Variants in NRXN1 observed in about 807,000 individuals in gnomAD.
The protein encoded by NRXN1 is neurexin 1.
NRXN1 carries 39 observed loss-of-function variants against 150.9 expected under a neutral mutation model. The observed-to-expected ratio is 0.26, with a 90% CI of 0.20 to 0.34. NRXN1 has a LOEUF of 0.34. NRXN1 is among the 10% of genes least tolerant of loss of function. The pLI, the probability that NRXN1 is intolerant of heterozygous loss-of-function variation, is 1.00. For missense variants in NRXN1, 1,815 were observed against 1,949.9 expected (o/e 0.93, Z 1.30); for synonymous variants, 924 against 757.0 (o/e 1.22, Z -3.62).
intron 5 of NRXN1, among the ~76,000 whole-genome samples, chr2:50,890,300 ACT>A (rs1291694200): frequency 6.6e-6 from 1 of 151,794 alleles, no homozygotes; most frequent in East Asian, 1.9e-4. Context: ...ATTTTGGATC[ACT>A]CTGCTTCACA....
At chr2:50,977,395 C>G (rs1354371239) in intron 2 of NRXN1, among the ~76,000 whole-genome samples, 1 of 151,614 alleles carries the variant, frequency 6.6e-6, no homozygotes, top group Non-Finnish European at 1.5e-5. Flanking sequence ...TTACATATGA[C>G]TGGCAGAATT....
At chr2:50,660,158 C>A (rs1449641400) in intron 5 of NRXN1, among the ~76,000 whole-genome samples, 1 of 152,026 alleles carries the variant, frequency 6.6e-6, no homozygotes, top group Non-Finnish European at 1.5e-5. Context: ...TAAGCAATGT[C>A]ACATAATCTC....
At chr2:50,290,330 T>G (rs556821051) in intron 17 of NRXN1, among the ~76,000 whole-genome samples, 44 of 152,174 alleles carry the variant, frequency 2.9e-4, no homozygotes, top group Non-Finnish European at 5.9e-4. Context: ...AGCAATTTAT[T>G]CAATTGGGTT....
In NRXN1 at chr2:51,028,172, C is replaced by T. The variant is rs1381510304; in HGVS notation, c.102G>A (p.Pro34=). The T allele has an allele frequency of 1.3e-6, 2 of 1,515,822 alleles. No individual in the cohort carries two copies. Among genetic ancestry groups the T allele is most frequent in the Middle Eastern group, 1.7e-4 (1 of 5,758 alleles). 93.9% of individuals were successfully genotyped at this position (1,515,822 alleles called of 1,614,324 possible). The change falls in exon 2 of 23, where the codon CCG becomes CCA. Residue 34 remains proline (P), a synonymous_variant. Transcript: ENST00000401669. The stretch of plus-strand genomic sequence containing the variant: ...AGCGCGTCCATTGGCCCTCGGCGCC[C>T]GGAAACTCCAGCCCGCTGCCCAGCT... ...WAELGSGLEF[P]GAEGQWTRFP...
intron 5 of NRXN1, among the ~76,000 whole-genome samples, chr2:50,899,581 A>C (rs778466748): frequency 6.6e-6 from 1 of 152,152 alleles, no homozygotes; most frequent in African/African-American, 2.4e-5. Context: ...TTTTTAAAAA[A>C]TTTAAAAAAG....
At chr2:50,252,338 A>T (rs1255430204) in intron 17 of NRXN1, among the ~76,000 whole-genome samples, 1 of 137,892 alleles carries the variant, frequency 7.3e-6, no homozygotes, top group African/African-American at 2.8e-5. Flanking sequence ...GGCTCACTGC[A>T]ACCTCTGTCT....
At chr2:50,976,490 CT>C (rs1186553991) in intron 2 of NRXN1, among the ~76,000 whole-genome samples, 2 of 151,836 alleles carry the variant, frequency 1.3e-5, no homozygotes, top group Non-Finnish European at 2.9e-5. Context: ...AATGTTATCC[CT>C]TTTTGATTTG....
intron 8 of NRXN1, among the ~76,000 whole-genome samples, chr2:50,598,736 G>GTA (rs772401214): frequency 3.9e-4 from 56 of 142,436 alleles, no homozygotes; most frequent in East Asian, 6.8e-4. Flanking sequence ...ACATATATAT[G>GTA]TATATATATA....
intron 15 of NRXN1, among the ~76,000 whole-genome samples, chr2:50,480,880 G>A (rs943271358): frequency 2.0e-5 from 3 of 151,752 alleles, no homozygotes; most frequent in African/African-American, 7.3e-5. Flanking sequence ...TTGAATCTTT[G>A]GTAATCAGTG....
chr2:50,871,281 T>C (rs1209572233), intron 5 of NRXN1, among the ~76,000 whole-genome samples: 1 of 151,918 alleles, frequency 6.6e-6, no homozygotes, highest in East Asian at 1.9e-4. Context: ...ATTTAAAATG[T>C]CCTATTCCTG....
Position 50,947,888 on chromosome 2 carries a change from A to G in NRXN1, c.773-21933T>C, listed in dbSNP as rs549104300. Reference sequence around the variant, plus strand: ...TGTTTTCTCATCACGCTGAGTATCAATTTGATAAGTTTACATAAGCCACAA... The same window carrying G: ...TGTTTTCTCATCACGCTGAGTATCAGTTTGATAAGTTTACATAAGCCACAA... On this transcript the variant is annotated intron_variant, in intron 2 of 22. Transcript: ENST00000401669. Among the ~76,000 whole-genome samples the G allele has an allele frequency of 5.3e-5, 8 of 152,114 alleles. No homozygotes were observed. In the East Asian group the frequency reaches 1.5e-3, roughly 29 times the overall value.
chr2:50,126,368 A>G (rs1441355847), intron 18 of NRXN1, among the ~76,000 whole-genome samples: 18 of 152,066 alleles, frequency 1.2e-4, no homozygotes, highest in Non-Finnish European at 5.9e-5. Flanking sequence ...TCGTGGGTAC[A>G]GGTAAAATTC....
intron 21 of NRXN1, among the ~76,000 whole-genome samples, chr2:49,974,755 CTT>C (rs34749359): frequency 7.1e-6 from 1 of 141,736 alleles, no homozygotes; most frequent in Non-Finnish European, 1.5e-5. Flanking sequence ...CATTCTTAGG[CTT>C]TTTTTTTTTT....
intron 17 of NRXN1, among the ~76,000 whole-genome samples, chr2:50,414,517 T>G (rs1371040689): frequency 6.6e-6 from 1 of 152,052 alleles, no homozygotes; most frequent in Non-Finnish European, 1.5e-5. Context: ...AAGATGTTTT[T>G]TTAATAAAAA....
intron 5 of NRXN1, among the ~76,000 whole-genome samples, chr2:50,865,742 T>C (rs1335845246): frequency 7.0e-6 from 1 of 143,600 alleles, no homozygotes; most frequent in Admixed American, 7.1e-5. Flanking sequence ...CATTTGATAG[T>C]TTTTTTTTGG....
chr2:50,618,769 A>G (rs1423258574), intron 8 of NRXN1, among the ~76,000 whole-genome samples: 1 of 150,020 alleles, frequency 6.7e-6, no homozygotes, highest in Non-Finnish European at 1.5e-5. Flanking sequence ...TACTATAATA[A>G]TAATAATAAT....
At chr2:50,274,853 G>C (rs1260951842) in intron 17 of NRXN1, among the ~76,000 whole-genome samples, 1 of 152,064 alleles carries the variant, frequency 6.6e-6, no homozygotes, top group Admixed American at 6.6e-5. Context: ...CCTACAATCT[G>C]TAGGCTGTAG....
intron 5 of NRXN1, among the ~76,000 whole-genome samples, chr2:50,746,078 C>G (rs148767316): frequency 7.2e-4 from 109 of 152,266 alleles, no homozygotes; most frequent in African/African-American, 2.5e-3. Context: ...TGAGCTAAAA[C>G]TTTTTCTCCT....
chr2:50,180,889 G>T (rs2060667457), intron 18 of NRXN1, among the ~76,000 whole-genome samples: 1 of 152,130 alleles, frequency 6.6e-6, no homozygotes, highest in Non-Finnish European at 1.5e-5. Flanking sequence ...AATCTAAAAT[G>T]ACTGTCTTAA....
Sources: gnomAD v4.1 joint callset for allele counts (sites outside exome capture counted in the v4.1 genomes callset) on GRCh38, gnomAD v4.1.1 for gene constraint, MANE v1.5 for transcripts, NCBI Gene and HGNC (gene_info 2026-07-23, HGNC 2026-07-21) for gene names.